The following SYCP2L variants were observed in gnomAD, a reference collection of about 807,000 sequenced individuals.
SYCP2L encodes the protein synaptonemal complex protein 2-like.
In SYCP2L, 98 loss-of-function variants were observed where a neutral mutation model predicts 125.8. The observed-to-expected ratio is 0.78, with a 90% CI of 0.66 to 0.92. The LOEUF is 0.92. Ranked by LOEUF, SYCP2L falls within the 40% of genes least tolerant of loss-of-function variation. The probability of loss-of-function intolerance (pLI) is 0.00; values close to 1 mark genes in which losing one functional copy is unlikely to be tolerated. For missense variants in SYCP2L, 842 were observed against 936.4 expected (o/e 0.90, Z 1.32); for synonymous variants, 317 against 325.4 (o/e 0.97, Z 0.28).
intron 10 of SYCP2L, among the ~76,000 whole-genome samples, chr6:10,907,892 G>GTTTTTTTTTTTTATTTTTTTTTTTTTTTT (rs1780527152): frequency 1.1e-5 from 1 of 91,922 alleles, no homozygotes; most frequent in African/African-American, 4.1e-5. Flanking sequence ...ATACAGATAG[G>GTTTTTTTTTTTTATTTTTTTTTTTTTTTT]TTTTTTTTTT....
At chr6:10,910,922 G>A (rs1780595913) in intron 12 of SYCP2L, 53 bp downstream of exon 12, 7 of 1,598,028 alleles carry the variant, frequency 4.4e-6, no homozygotes, top group Non-Finnish European at 6.0e-6. Flanking sequence ...GAAACCAGGA[G>A]TTAGGTTTAC....
At chr6:10,936,045 TTAA>T (rs1347654493) in intron 21 of SYCP2L, among the ~76,000 whole-genome samples, 1 of 147,860 alleles carries the variant, frequency 6.8e-6, no homozygotes, top group Admixed American at 6.8e-5. Context: ...TTTATTATTA[TTAA>T]TAACAATATT....
At chr6:10,896,594 T>C (rs1045904075) in intron 4 of SYCP2L, among the ~76,000 whole-genome samples, 6 of 152,234 alleles carry the variant, frequency 3.9e-5, no homozygotes, top group African/African-American at 1.4e-4. Flanking sequence ...TCTTGTGCTA[T>C]TGGAGCAAAG....
At chr6:10,910,917 C>A in intron 12 of SYCP2L, 48 bp downstream of exon 12, 2 of 1,604,128 alleles carry the variant, frequency 1.2e-6, no homozygotes, top group African/African-American at 1.3e-5. Flanking sequence ...GCAGTGAAAC[C>A]AGGAGTTAGG....
chr6:10,902,599 A>G, intron 6 of SYCP2L, 78 bp from the exon 7 acceptor site: 1 of 1,220,718 alleles, frequency 8.2e-7, no homozygotes, highest in Non-Finnish European at 1.2e-6. Context: ...ATCCTTAGTG[A>G]AAAGCTCTGA....
intron 4 of SYCP2L, among the ~76,000 whole-genome samples, chr6:10,896,277 C>T (rs1780257197): frequency 1.3e-5 from 2 of 152,184 alleles, no homozygotes; most frequent in South Asian, 4.1e-4. Flanking sequence ...TGTAGTGATA[C>T]AACTGTGGGG....
chr6:10,949,190 G>T (rs1781367435), intron 23 of SYCP2L, among the ~76,000 whole-genome samples: 1 of 151,862 alleles, frequency 6.6e-6, no homozygotes, highest in African/African-American at 2.4e-5. Flanking sequence ...CGTTTATTCT[G>T]ATGCTCTTTT....
chr6:10,919,705 A>AT (rs922409184), intron 14 of SYCP2L, among the ~76,000 whole-genome samples: 2 of 152,088 alleles, frequency 1.3e-5, no homozygotes, highest in African/African-American at 4.8e-5. Context: ...TGGGGGCAGG[A>AT]TTAGGAGTGT....
chr6:10,930,274 A>G, intron 18 of SYCP2L, 96 bp from the exon 19 acceptor site: 3 of 1,287,354 alleles, frequency 2.3e-6, no homozygotes, highest in Admixed American at 2.4e-5. Flanking sequence ...CTAGAAGGGT[A>G]CTTCTCTTAT....
intron 5 of SYCP2L, 125 bp downstream of exon 5, chr6:10,898,240 C>T (rs907371370): frequency 5.7e-6 from 4 of 707,146 alleles, no homozygotes; most frequent in African/African-American, 1.8e-5. Context: ...CATGGCTGGG[C>T]GTGATGGTTC....
At chr6:10,900,134 T>C (rs560063541) in intron 6 of SYCP2L, among the ~76,000 whole-genome samples, 12 of 152,296 alleles carry the variant, frequency 7.9e-5, no homozygotes, top group African/African-American at 2.9e-4. Context: ...CCAATTAGGC[T>C]GCCATGACAA....
Position 10,961,417 on chromosome 6 carries a change from T to C in SYCP2L, c.2355+13T>C, listed in dbSNP as rs1441831263. ...GAAGGAGGTTCTGGTAAGTTCTTTTTGTGTGGAACATTTTCTGACTTCGGA... is the reference window on the plus strand; with the variant it reads ...GAAGGAGGTTCTGGTAAGTTCTTTTCGTGTGGAACATTTTCTGACTTCGGA... On this transcript the variant is annotated intron_variant, in intron 27 of 29. Transcript: ENST00000283141. 9.9e-6 allele frequency: 16 copies of C among 1,613,792 alleles called. No individual in the cohort carries two copies. Among genetic ancestry groups the C allele is most frequent in the Non-Finnish European group, 1.4e-5 (16 of 1,179,838 alleles).
Position 10,951,138 on chromosome 6 carries a change from T to C in SYCP2L, c.1955-3978T>C, listed in dbSNP as rs1459061650. Among the ~76,000 whole-genome samples the C allele has an allele frequency of 2.6e-5, 4 of 152,118 alleles. No homozygotes were observed. The East Asian group carries it at 5.8e-4, about 22-fold the overall frequency. ...GTAAGAAACTTAGAAAACCCAACAT[T>C]TAAGACTGGGCATGGTGGCTTATGC... On this transcript the variant is annotated intron_variant, in intron 23 of 29. Transcript: ENST00000283141.
At chr6:10,887,650 G>A (rs987335026) in intron 1 of SYCP2L, among the ~76,000 whole-genome samples, 1 of 152,096 alleles carries the variant, frequency 6.6e-6, no homozygotes, top group Non-Finnish European at 1.5e-5. Context: ...CACCTGGGGC[G>A]TGTTTCTAAC....
At chr6:10,892,142 C>T (rs1433093011) in intron 2 of SYCP2L, among the ~76,000 whole-genome samples, 2 of 152,182 alleles carry the variant, frequency 1.3e-5, no homozygotes, top group African/African-American at 4.8e-5. Context: ...TAGCCCAGGC[C>T]TAGAACAGCC....
chr6:10,949,297 T>C (rs780300000), intron 23 of SYCP2L, among the ~76,000 whole-genome samples: 4 of 152,200 alleles, frequency 2.6e-5, no homozygotes, highest in Non-Finnish European at 5.9e-5. Flanking sequence ...CTATATCACA[T>C]TTTGATATTA....
At chr6:10,970,123 G>T (rs564265760) in intron 29 of SYCP2L, among the ~76,000 whole-genome samples, 5 of 152,292 alleles carry the variant, frequency 3.3e-5, no homozygotes, top group Non-Finnish European at 4.4e-5. Flanking sequence ...GAGACTCACA[G>T]CGTGGAAGGA....
chr6:10,972,442 TTTAC>T (rs1781790075), intron 29 of SYCP2L, among the ~76,000 whole-genome samples: 1 of 152,182 alleles, frequency 6.6e-6, no homozygotes, highest in South Asian at 2.1e-4. Flanking sequence ...AAATAGGGCT[TTTAC>T]TTTTTTCCCT....
intron 10 of SYCP2L, 127 bp downstream of exon 10, chr6:10,907,811 A>T (rs893576099): frequency 6.9e-6 from 6 of 866,500 alleles, no homozygotes; most frequent in Non-Finnish European, 1.1e-5. Context: ...GCCATTCTTG[A>T]ACTTGTTTCT....
Sources: allele counts gnomAD v4.1 joint callset (sites outside exome capture counted in the v4.1 genomes callset), GRCh38; gene constraint gnomAD v4.1.1; transcripts MANE v1.5; gene names NCBI Gene and HGNC (gene_info 2026-07-23, HGNC 2026-07-21).